C10orf143: variants seen among roughly 807,000 people sequenced by gnomAD.
C10orf143 encodes uncharacterized protein C10orf143.
chr10:130,103,605 G>C (rs1441746043), intron 1 of C10orf143, among the ~76,000 whole-genome samples: 1 of 152,072 alleles, frequency 6.6e-6, no homozygotes, highest in Non-Finnish European at 1.5e-5. Context: ...CCAGGAATTT[G>C]AGACCAGCCT....
At chr10:130,068,916 G>A (rs1482121692) in intron 3 of C10orf143, among the ~76,000 whole-genome samples, 1 of 152,046 alleles carries the variant, frequency 6.6e-6, no homozygotes, top group Non-Finnish European at 1.5e-5. Flanking sequence ...GCTCCATCAG[G>A]TGTCCCAACA....
chr10:130,105,348 T>C (rs888552747), intron 1 of C10orf143, among the ~76,000 whole-genome samples: 1 of 152,234 alleles, frequency 6.6e-6, no homozygotes, highest in Non-Finnish European at 1.5e-5. Flanking sequence ...TTACTAGCTG[T>C]GTATCCTTAG....
chr10:130,049,466 G>A (rs543761290), intron 3 of C10orf143, among the ~76,000 whole-genome samples: 8 of 152,336 alleles, frequency 5.3e-5, no homozygotes, highest in Middle Eastern at 3.4e-3. Flanking sequence ...GCGGCAGACC[G>A]GGCAGCCCCT....
At chr10:130,052,410 G>A (rs1310742229) in intron 3 of C10orf143, among the ~76,000 whole-genome samples, 1 of 152,100 alleles carries the variant, frequency 6.6e-6, no homozygotes. Flanking sequence ...AGGTAGCCAT[G>A]GGAGCCGGGA....
rs557156256 is a variant in C10orf143, at chr10:130,038,651, CG to C, written c.298-2682del. On this transcript the variant is annotated intron_variant and NMD_transcript_variant, in intron 3 of 5. Transcript: ENST00000643056. ...AGACGGAGGTGTGGGCATCAAACACCGCCCAGGCCCTTCCCCACCCCCCAGG... is the reference window on the plus strand; with the variant it reads ...AGACGGAGGTGTGGGCATCAAACACCCCCAGGCCCTTCCCCACCCCCCAGG... 3.9e-5 allele frequency among the ~76,000 whole-genome samples: 6 copies of C among 152,282 alleles called. No individual in the cohort carries two copies. In the South Asian group the frequency reaches 1.2e-3, roughly 32 times the overall value.
At chr10:130,061,718 C>T (rs567159561), downstream of C10orf143, among the ~76,000 whole-genome samples, 1 of 152,308 alleles carries the variant, frequency 6.6e-6, no homozygotes, top group Admixed American at 6.5e-5. Flanking sequence ...TCCCATTTCA[C>T]GCTCGTCATG....
intron 3 of C10orf143, among the ~76,000 whole-genome samples, chr10:130,076,466 C>G (rs1041396997): frequency 1.3e-5 from 2 of 152,142 alleles, no homozygotes; most frequent in Non-Finnish European, 2.9e-5. Context: ...ACAGGCTGAC[C>G]AGTGACCCAG....
intron 1 of C10orf143, among the ~76,000 whole-genome samples, chr10:130,094,756 C>A (rs1246002705): frequency 6.6e-6 from 1 of 152,116 alleles, no homozygotes; most frequent in African/African-American, 2.4e-5. Flanking sequence ...TATGACAAAC[C>A]CACAGCCAAT....
chr10:130,106,603 AGTAGCTG>A, intron 1 of C10orf143: 1 of 1,457,060 alleles, frequency 6.9e-7, no homozygotes, highest in South Asian at 1.1e-5. Context: ...TCAAATCACA[AGTAGCTG>A]AAGCCAAAAT....
rs79810459 is a variant in C10orf143 at position 130,082,722 on chromosome 10, T to C, written c.70-2821A>G. Among the ~76,000 whole-genome samples the C allele has an allele frequency of 4.1e-3, 627 of 152,318 alleles. 4 individuals carry two copies. Among genetic ancestry groups the C allele is most frequent in the African/African-American group, 0.014 (573 of 41,568 alleles). ...AATTACCCAGTCTCCAGTATGTCTTTATCAGCAGCGTGAAAACAGACTAAT... is the reference window on the plus strand; with the variant it reads ...AATTACCCAGTCTCCAGTATGTCTTCATCAGCAGCGTGAAAACAGACTAAT... On this transcript the variant is annotated intron_variant, in intron 1 of 3. Transcript: ENST00000637128.
At chr10:130,058,225 C>T (rs1209866391) in intron 3 of C10orf143, among the ~76,000 whole-genome samples, 1 of 152,146 alleles carries the variant, frequency 6.6e-6, no homozygotes, top group Non-Finnish European at 1.5e-5. Context: ...CTCCACCACC[C>T]CACAATCCAT....
At chr10:130,109,039 A>C (rs1861713901) in intron 1 of C10orf143, among the ~76,000 whole-genome samples, 1 of 152,014 alleles carries the variant, frequency 6.6e-6, no homozygotes, top group Admixed American at 6.6e-5. Flanking sequence ...TCCACTCTTC[A>C]CATTACCCTG....
At position 130,102,960 on chromosome 10, in the gene C10orf143, T is replaced by A. The variant is rs961548498; in HGVS notation, c.69+7744A>T. ...ATATTTATAGTGAGTTTCTTATAGA[T>A]GGACTTATAATTGAGTCTTTTTTTT... On this transcript the variant is annotated intron_variant, in intron 1 of 3. Transcript: ENST00000637128. Among the ~76,000 whole-genome samples, 6 of 150,562 alleles carry A rather than the reference T, an allele frequency of 4.0e-5. No individual in the cohort carries two copies. The South Asian group carries it at 6.3e-4, about 16-fold the overall frequency.
At chr10:130,046,006 C>T (rs1860666418) in intron 3 of C10orf143, among the ~76,000 whole-genome samples, 1 of 150,968 alleles carries the variant, frequency 6.6e-6, no homozygotes, top group South Asian at 2.1e-4. Context: ...GGAGGTGGGG[C>T]TGGGCGTGGG....
intron 3 of C10orf143, among the ~76,000 whole-genome samples, chr10:130,053,560 C>T (rs1208836461): frequency 6.6e-6 from 1 of 152,090 alleles, no homozygotes; most frequent in Non-Finnish European, 1.5e-5. Context: ...CATGTGAGAC[C>T]CCCACAGGAA....
intron 3 of C10orf143, among the ~76,000 whole-genome samples, chr10:130,044,233 A>G (rs918910480): frequency 2.6e-5 from 4 of 152,158 alleles, no homozygotes; most frequent in African/African-American, 9.7e-5. Flanking sequence ...TGGCGGGAAA[A>G]GTGACCGAGA....
intron 3 of C10orf143, among the ~76,000 whole-genome samples, chr10:130,036,397 G>A (rs1362289210): frequency 1.3e-5 from 2 of 152,204 alleles, no homozygotes; most frequent in Non-Finnish European, 2.9e-5. Context: ...TGTCCAGGCA[G>A]CTGCCATGCT....
At chr10:130,044,237 A>AC (rs1405168727) in intron 3 of C10orf143, among the ~76,000 whole-genome samples, 2 of 152,138 alleles carry the variant, frequency 1.3e-5, no homozygotes, top group Admixed American at 1.3e-4. Flanking sequence ...GGGAAAAGTG[A>AC]CCGAGACATT....
At chr10:130,093,035 C>A (rs1439454991) in intron 1 of C10orf143, among the ~76,000 whole-genome samples, 2 of 152,172 alleles carry the variant, frequency 1.3e-5, no homozygotes, top group East Asian at 3.8e-4. Context: ...CAAAGATATT[C>A]AGGATTTGAA....
Sources: gnomAD v4.1 joint callset for allele counts (sites outside exome capture counted in the v4.1 genomes callset) on GRCh38, gnomAD v4.1.1 for gene constraint, MANE v1.5 for transcripts, NCBI Gene and HGNC (gene_info 2026-07-23, HGNC 2026-07-21) for gene names.